Variants in MACF1 observed in about 807,000 individuals in gnomAD.
MACF1 encodes microtubule actin crosslinking factor 1, also known as microtubule-actin cross-linking factor 1.
MACF1 carries 193 observed loss-of-function variants against 854.8 expected under a neutral mutation model. That is an observed-to-expected ratio of 0.23 (90% CI 0.20 to 0.25). The LOEUF (loss-of-function observed/expected upper bound fraction) is 0.25, where lower values mean the gene tolerates loss of function less well. Ranked by LOEUF, MACF1 falls within the 10% of genes least tolerant of loss-of-function variation. The pLI is 1.00. For synonymous variants in MACF1, 3,185 were observed against 3,226.7 expected (o/e 0.99, Z 0.44); for missense variants, 7,722 against 8,929.1 (o/e 0.86, Z 5.45).
intron 1 of MACF1, among the ~76,000 whole-genome samples, chr1:39,230,844 C>G (rs1433416789): frequency 6.6e-6 from 1 of 152,162 alleles, no homozygotes; most frequent in African/African-American, 2.4e-5. Context: ...GCCACCCTGT[C>G]TGTTGGTGGT....
At position 39,459,108 on chromosome 1, in the gene MACF1, C is replaced by T. The variant is rs561933293; in HGVS notation, c.21219C>T (p.Thr7073=). The change falls in exon 91 of 101, where the codon ACC becomes ACT. Residue 7073 remains threonine (T), a synonymous_variant. Transcript: ENST00000564288. ...SGGRKSLSQP[T]PPPMPILSQS... is the part of the protein sequence containing the mutation. ...TAGGGAAATCCCTAAGTCAGCCAAC[C>T]CCTCCTCCCATGCCAATCCTTTCAC... The T allele has an allele frequency of 1.2e-6, 2 of 1,613,100 alleles. No individual in the cohort carries two copies. Among genetic ancestry groups the T allele is most frequent in the Admixed American group, 1.7e-5 (1 of 59,738 alleles).
At chr1:39,199,264 C>A (rs922605641) in intron 2 of MACF1, among the ~76,000 whole-genome samples, 2 of 151,718 alleles carry the variant, frequency 1.3e-5, no homozygotes, top group African/African-American at 4.8e-5. Flanking sequence ...GGATTACAGG[C>A]GTGAGCCACT....
At chr1:39,481,164 T>C (rs1330597085) in intron 99 of MACF1, 134 bp downstream of exon 99, 1 of 580,552 alleles carries the variant, frequency 1.7e-6, no homozygotes, top group Non-Finnish European at 3.0e-6. Context: ...AGCTGATTCA[T>C]CTAGTCCAGT....
chr1:39,257,701 T>C lies in MACF1; in HGVS notation c.436-235T>C, dbSNP rs1049090906. 18 of 452,412 alleles carry C rather than the reference T, an allele frequency of 4.0e-5. No individual in the cohort carries two copies. In the East Asian group the frequency reaches 7.9e-4, roughly 20 times the overall value. The allele number at this position is 452,412 out of a possible 1,614,324, so 28.0% of individuals were successfully genotyped here. On this transcript the variant is annotated intron_variant, in intron 5 of 100. Transcript: ENST00000564288. Reference sequence around the variant, plus strand: ...GATCAGATCAGTGGTTGTCAGGAATTAGGGGTGAGAGTAGGGTTTGATTAC... The same window carrying C: ...GATCAGATCAGTGGTTGTCAGGAATCAGGGGTGAGAGTAGGGTTTGATTAC...
intron 2 of MACF1, among the ~76,000 whole-genome samples, chr1:39,136,135 C>T (rs779844814): frequency 1.2e-4 from 19 of 152,186 alleles, no homozygotes; most frequent in Non-Finnish European, 2.2e-4. Flanking sequence ...TCTGGGTTCC[C>T]CTCAATGCAG....
At chr1:39,419,905 C>T (rs997543146) in intron 58 of MACF1, among the ~76,000 whole-genome samples, 2 of 151,996 alleles carry the variant, frequency 1.3e-5, no homozygotes, top group African/African-American at 4.8e-5. Flanking sequence ...TGAGCTCTGG[C>T]AATCTGTCTG....
At chr1:39,449,324 A>T (rs1183001394) in intron 84 of MACF1, among the ~76,000 whole-genome samples, 2 of 152,200 alleles carry the variant, frequency 1.3e-5, no homozygotes, top group Non-Finnish European at 2.9e-5. Context: ...GTTTGGTTCT[A>T]AAAGTTGTAC....
intron 2 of MACF1, among the ~76,000 whole-genome samples, chr1:39,116,533 C>T (rs535531194): frequency 1.1e-4 from 17 of 152,102 alleles, no homozygotes; most frequent in Middle Eastern, 3.4e-3. Context: ...ATAGTTTTGA[C>T]GGAAGAATAT....
In MACF1 at chr1:39,436,558, A is replaced by G; in HGVS notation, c.17988+797A>G. The G allele has an allele frequency of 4.9e-6, 7 of 1,436,372 alleles. No homozygotes were observed. In the Middle Eastern group the frequency reaches 7.0e-4, roughly 143 times the overall value. 89.0% of individuals were successfully genotyped at this position (1,436,372 alleles called of 1,614,324 possible). A position where few individuals can be genotyped will look rare whatever the true frequency, so the allele number is the denominator to read the frequency against. On this transcript the variant is annotated intron_variant, in intron 70 of 100. Transcript: ENST00000564288. ...GCTGAAAATTGAGGTCATTACCTGT[A>G]AGGGAATTTCCCTTAACTTTAGTGG...
chr1:39,212,684 G>T (rs1038911386), intron 1 of MACF1, among the ~76,000 whole-genome samples: 7 of 152,054 alleles, frequency 4.6e-5, no homozygotes, highest in African/African-American at 1.7e-4. Context: ...GTGCAGTGGC[G>T]CAATCTCGGC....
intron 40 of MACF1, among the ~76,000 whole-genome samples, chr1:39,345,639 CA>C (rs1416744290): frequency 6.6e-6 from 1 of 152,080 alleles, no homozygotes; most frequent in Non-Finnish European, 1.5e-5. Flanking sequence ...GAATCATAAA[CA>C]AATTATATAT....
chr1:39,261,161 A>G (rs1048228990), intron 6 of MACF1, among the ~76,000 whole-genome samples: 1 of 152,200 alleles, frequency 6.6e-6, no homozygotes, highest in African/African-American at 2.4e-5. Context: ...GAAATTTTAA[A>G]AAGTTAAATA....
intron 2 of MACF1, among the ~76,000 whole-genome samples, chr1:39,146,476 A>G (rs184615374): frequency 1.1e-3 from 164 of 152,140 alleles, no homozygotes; most frequent in Non-Finnish European, 1.7e-3. Flanking sequence ...AAAGAAAGAA[A>G]GAAAATGTAC....
At chr1:39,238,428 G>GT (rs1306556337) in intron 2 of MACF1, among the ~76,000 whole-genome samples, 1 of 152,202 alleles carries the variant, frequency 6.6e-6, no homozygotes, top group Non-Finnish European at 1.5e-5. Context: ...TCCCCAGAGG[G>GT]TTCTATTGCA....
chr1:39,480,031 G>A, intron 98 of MACF1, 22 bp downstream of exon 98: 1 of 1,485,322 alleles, frequency 6.7e-7, no homozygotes, highest in Non-Finnish European at 9.1e-7. Context: ...TCTCCATTAT[G>A]CCCTTCTTCC....
intron 2 of MACF1, among the ~76,000 whole-genome samples, chr1:39,107,565 A>C (rs773676487): frequency 5.3e-5 from 8 of 152,162 alleles, no homozygotes; most frequent in Non-Finnish European, 1.0e-4. Context: ...CTGGGAGGTC[A>C]GAGTGGCTTA....
chr1:39,358,880 C>T lies in MACF1; in HGVS notation c.12120+7C>T. The T allele has an allele frequency of 1.2e-6, 2 of 1,603,760 alleles. No individual in the cohort carries two copies. The highest frequency in any genetic ancestry group is 2.2e-5 in the East Asian group (1 of 44,816). On this transcript the variant is annotated splice_region_variant and intron_variant, in intron 46 of 100. Coordinates refer to ENST00000564288, the MANE Select transcript of MACF1 (RefSeq NM_001394062.1). ...GCAGCTTGCAACAACAAAGGTAAGTCAGGACACAGGCTGTGTTGTGGTGTC... is the reference window on the plus strand; with the variant it reads ...GCAGCTTGCAACAACAAAGGTAAGTTAGGACACAGGCTGTGTTGTGGTGTC...
intron 1 of MACF1, among the ~76,000 whole-genome samples, chr1:39,230,867 G>C (rs528997195): frequency 6.6e-6 from 1 of 152,248 alleles, no homozygotes; most frequent in Admixed American, 6.5e-5. Flanking sequence ...CACGGCTTTG[G>C]CTTTTTGAAG....
At chr1:39,361,798 G>A (rs1648207346) in intron 49 of MACF1, 121 bp downstream of exon 49, 2 of 923,432 alleles carry the variant, frequency 2.2e-6, no homozygotes, top group Non-Finnish European at 1.7e-6. Context: ...ATTATCTTTG[G>A]GAATTATTAC....
Sources: gnomAD v4.1 joint callset for allele counts (sites outside exome capture counted in the v4.1 genomes callset) on GRCh38, gnomAD v4.1.1 for gene constraint, MANE v1.5 for transcripts, NCBI Gene and HGNC (gene_info 2026-07-23, HGNC 2026-07-21) for gene names.